Variants in C1orf141 observed in about 807,000 individuals in gnomAD.
C1orf141 encodes uncharacterized protein C1orf141.
A neutral mutation model predicts 23.2 loss-of-function variants in C1orf141; 19 were observed. That is an observed-to-expected ratio of 0.82 (90% CI 0.57 to 1.20). C1orf141 has a LOEUF of 1.20. C1orf141 is among the 50% of genes most tolerant of loss of function. The pLI is 0.00. For synonymous variants in C1orf141, 153 were observed against 154.6 expected (o/e 0.99, Z 0.08); for missense variants, 469 against 455.1 (o/e 1.03, Z -0.28).
chr1:67,127,781 T>C (rs1646444226), intron 2 of C1orf141, among the ~76,000 whole-genome samples: 1 of 151,944 alleles, frequency 6.6e-6, no homozygotes, highest in Non-Finnish European at 1.5e-5. Flanking sequence ...ATTACAGGTG[T>C]GCACCACCAT....
intron 4 of C1orf141, among the ~76,000 whole-genome samples, chr1:67,118,926 T>C (rs1646249710): frequency 1.3e-5 from 2 of 152,216 alleles, no homozygotes; most frequent in Admixed American, 1.3e-4. Flanking sequence ...TTTCTGTTGT[T>C]TAAGCCACCC....
intron 4 of C1orf141, chr1:67,124,034 G>C (rs576076526): frequency 6.6e-6 from 1 of 152,112 alleles, no homozygotes; most frequent in Non-Finnish European, 1.5e-5. Context: ...AAGAACACAG[G>C]CTCTGAAATC....
chr1:67,093,521 A>C lies in C1orf141; in HGVS notation c.687T>G (p.Ser229=). The change falls in exon 8 of 8, where the codon TCT becomes TCG. Residue 229 remains serine, a synonymous_variant. Coordinates refer to ENST00000684719, the MANE Select transcript of C1orf141 (RefSeq NM_001276351.2). ...MLLLTKNRFS[S]HPLENENIYP... is the part of the protein sequence containing the mutation. ...AAATGTTTTCATTTTCCAAAGGATG[A>C]GAAGAAAATCTATTTTTTGTCAAAA... 1 of 1,606,526 alleles carries C rather than the reference A, an allele frequency of 6.2e-7. No homozygotes were observed. Among genetic ancestry groups the C allele is most frequent in the Non-Finnish European group, 8.5e-7 (1 of 1,175,018 alleles).
intron 5 of C1orf141, chr1:67,113,699 T>C: frequency 7.8e-7 from 1 of 1,280,252 alleles, no homozygotes; most frequent in Non-Finnish European, 1.0e-6. Flanking sequence ...TCATACTAAG[T>C]ACAATGAGAA....
chr1:67,123,470 G>A (rs1570724355), intron 4 of C1orf141: 1 of 152,010 alleles, frequency 6.6e-6, no homozygotes, highest in East Asian at 1.9e-4. Flanking sequence ...ATTTTTTGAA[G>A]TTTCCATTTT....
At chr1:67,100,269 T>C (rs575221121) in intron 5 of C1orf141, among the ~76,000 whole-genome samples, 67 of 152,322 alleles carry the variant, frequency 4.4e-4, no homozygotes, top group African/African-American at 1.6e-3. Flanking sequence ...AATACTATCT[T>C]GTCTAATGTG....
At chr1:67,138,666 C>G (rs1008800984), upstream of C1orf141, among the ~76,000 whole-genome samples, 1 of 152,156 alleles carries the variant, frequency 6.6e-6, no homozygotes, top group East Asian at 1.9e-4. Flanking sequence ...TTCTGATTGT[C>G]TTTCTAGCTT....
chr1:67,130,872 C>A (rs2102506819), intron 2 of C1orf141, among the ~76,000 whole-genome samples: 1 of 152,298 alleles, frequency 6.6e-6, no homozygotes, highest in Non-Finnish European at 1.5e-5. Context: ...CGGTCTTTGG[C>A]AATGTGCCAA....
At chr1:67,127,386 A>C (rs1646435057) in intron 2 of C1orf141, 129 bp from the exon 3 acceptor site, 1 of 575,302 alleles carries the variant, frequency 1.7e-6, no homozygotes, top group South Asian at 2.5e-5. Context: ...TAAATCATAC[A>C]GTAAATCATA....
At position 67,095,393 on chromosome 1, in the gene C1orf141, T is replaced by C. The variant is rs1254742968; in HGVS notation, c.445A>G (p.Asn149Asp). Residue 149 changes from asparagine to aspartate, a missense_variant, in exon 7 of 8, where the codon AAT (asparagine) becomes GAT (aspartate). Asn to Asp is a conservative substitution (Grantham distance 23). Around this residue, in one of 3 missense-constraint regions of C1orf141, gnomAD observed 370 missense variants for 348.1 expected, o/e 1.06. Transcript: ENST00000684719. ...CTGACCGATTTGTTTTCTTTTATAT[T>C]AAAATCGTTCATCTGTGGAGATTTT... The part of the protein sequence containing the change: ...RKKSPQMNDF[N>D]IKENKSVRNY... 6.4e-7 allele frequency: 1 copy of C among 1,553,576 alleles called. No homozygotes were observed. Among genetic ancestry groups the C allele is most frequent in the Admixed American group, 1.9e-5 (1 of 52,354 alleles).
At chr1:67,096,418 G>A in intron 5 of C1orf141, 97 bp from the exon 6 acceptor site, 1 of 660,154 alleles carries the variant, frequency 1.5e-6, no homozygotes, top group Non-Finnish European at 2.6e-6. Flanking sequence ...AATAACATAT[G>A]GAAAGTACCT....
rs12028188 is a variant in C1orf141, at chr1:67,093,793, T to G, written c.604-189A>C. The G allele has an allele frequency of 2.5e-3, 939 of 378,248 alleles. 20 individuals carry two copies. The East Asian group carries it at 0.036, about 14-fold the overall frequency. 23.4% of individuals were successfully genotyped at this position (378,248 alleles called of 1,614,324 possible). On this transcript the variant is annotated intron_variant, in intron 7 of 7. Transcript: ENST00000684719. ...TTGTATGTAACATACATCCTTCTTA[T>G]CTTAATATTCTATAGAGATGTTAGT...
chr1:67,127,653 G>C (rs1646441965), intron 2 of C1orf141, among the ~76,000 whole-genome samples: 1 of 151,756 alleles, frequency 6.6e-6, no homozygotes, highest in Admixed American at 6.6e-5. Context: ...TGTTGTTGTT[G>C]AGACAGAGTC....
intron 5 of C1orf141, among the ~76,000 whole-genome samples, chr1:67,110,396 G>T (rs185976873): frequency 6.6e-6 from 1 of 152,032 alleles, no homozygotes; most frequent in Non-Finnish European, 1.5e-5. Context: ...ATGCACGGTG[G>T]TATAAACAAT....
chr1:67,105,450 C>A (rs114304920), intron 5 of C1orf141, among the ~76,000 whole-genome samples: 3,347 of 151,912 alleles, frequency 0.022, 122 homozygotes, highest in African/African-American at 0.076. Flanking sequence ...ACAGTAACAT[C>A]TATCACCACA....
intron 4 of C1orf141, among the ~76,000 whole-genome samples, chr1:67,125,484 G>A (rs377582463): frequency 2.7e-3 from 407 of 152,158 alleles, no homozygotes; most frequent in Non-Finnish European, 4.7e-3. Context: ...GATCTCTTGA[G>A]GCCAGAAGTT....
In C1orf141 at chr1:67,092,896, T is replaced by C. The variant is rs539127050; in HGVS notation, c.*109A>G. On this transcript the variant is annotated 3_prime_UTR_variant, in exon 8 of 8. Coordinates refer to ENST00000684719, the MANE Select transcript of C1orf141 (RefSeq NM_001276351.2). ...TAATTCTAATGTCTATGCTTTGCTT[T>C]CTTATATGATCAATTAGAACATTAC... 2.3e-6 allele frequency: 2 copies of C among 853,040 alleles called. No individual in the cohort carries two copies. The highest frequency in any genetic ancestry group is 2.8e-5 in the Admixed American group (1 of 35,306). The allele number at this position is 853,040 out of a possible 1,614,324, so 52.8% of individuals were successfully genotyped here. A position where few individuals can be genotyped will look rare whatever the true frequency, so the allele number is the denominator to read the frequency against.
Position 67,092,843 on chromosome 1 carries a change from T to C in C1orf141, c.*162A>G. 2.0e-6 allele frequency: 1 copy of C among 493,574 alleles called. No individual in the cohort carries two copies. 30.6% of individuals were successfully genotyped at this position (493,574 alleles called of 1,614,324 possible). On this transcript the variant is annotated 3_prime_UTR_variant, in exon 8 of 8. Transcript: ENST00000684719. ...CCTACTATTTTCTAAAAATGTTGATTGTTCTTGAACAGACCACTGCTGACT... is the reference window on the plus strand; with the variant it reads ...CCTACTATTTTCTAAAAATGTTGATCGTTCTTGAACAGACCACTGCTGACT...
rs199626837 is a variant in C1orf141, at chr1:67,095,225, T to C, written c.603+10A>G. On this transcript the variant is annotated intron_variant, in intron 7 of 7. Transcript: ENST00000684719. ...CATATTTACTTAACAATAGATGATA[T>C]GCTTATTACCATGTGAGAAGTTACT... 3.3e-5 allele frequency: 48 copies of C among 1,465,468 alleles called. No homozygotes were observed. In the East Asian group the frequency reaches 1.1e-3, roughly 33 times the overall value. 90.8% of individuals were successfully genotyped at this position (1,465,468 alleles called of 1,614,324 possible). A position where few individuals can be genotyped will look rare whatever the true frequency, so the allele number is the denominator to read the frequency against.
Sources: gnomAD v4.1 joint callset for allele counts (sites outside exome capture counted in the v4.1 genomes callset) on GRCh38, gnomAD v4.1.1 for gene constraint, gnomAD v4.1.1 regional missense constraint, MANE v1.5 for transcripts, NCBI Gene and HGNC (gene_info 2026-07-23, HGNC 2026-07-21) for gene names.